RHBG: variants seen among roughly 807,000 people sequenced by gnomAD.
RHBG encodes Rh family B glycoprotein.
Under a neutral mutation model 40.1 loss-of-function variants are expected in RHBG, and 39 were observed. That is an observed-to-expected ratio of 0.97 (90% CI 0.75 to 1.27). The LOEUF (loss-of-function observed/expected upper bound fraction) is 1.27, where lower values mean the gene tolerates loss of function less well. Among genes scored for constraint, RHBG ranks in the 50% most tolerant of loss-of-function variants. RHBG has a pLI of 0.00. For missense variants in RHBG, 549 were observed against 588.1 expected, an observed-to-expected ratio of 0.93 and a Z score of 0.69; for synonymous variants, 237 against 252.5, an observed-to-expected ratio of 0.94 and a Z score of 0.58.
intron 1 of RHBG, among the ~76,000 whole-genome samples, 193 bp downstream of exon 1, chr1:156,369,629 C>T (rs1666708484): frequency 6.6e-6 from 1 of 152,182 alleles, no homozygotes; most frequent in Non-Finnish European, 1.5e-5. Flanking sequence ...CGTGCTGATA[C>T]ATATGCCTTA....
chr1:156,378,996 C>CTTTT (rs1173676129), intron 4 of RHBG, among the ~76,000 whole-genome samples: 1 of 141,564 alleles, frequency 7.1e-6, no homozygotes. Context: ...GCTTCTTCTT[C>CTTTT]TTTTTTTTTT....
chr1:156,377,670 C>T lies in RHBG; in HGVS notation c.374+183C>T, dbSNP rs565504250. ...CTTCCTCTCCCATCCTTGACCCTCA[C>T]ACTCAGCTCCACCTCCTCAGTCTTT... On this transcript the variant is annotated intron_variant, in intron 2 of 9. Transcript: ENST00000537040. The surrounding 1 kb of genome is among the most constrained non-coding windows in gnomAD (Gnocchi z 4.6). Among the ~76,000 whole-genome samples, 1 of 152,334 alleles carries T rather than the reference C, an allele frequency of 6.6e-6. No individual in the cohort carries two copies. The highest frequency in any genetic ancestry group is 2.4e-5 in the African/African-American group (1 of 41,580).
rs774146663 is a variant in RHBG, at chr1:156,382,786, G to A, written c.1151G>A (p.Arg384His). The A allele has an allele frequency of 1.4e-5, 22 of 1,614,068 alleles. No individual in the cohort carries two copies. Among genetic ancestry groups the A allele is most frequent in the Admixed American group, 3.3e-5 (2 of 60,000 alleles). Residue 384 changes from arginine to histidine, a missense_variant, in exon 8 of 10, where the codon CGC becomes CAC. Physicochemically the swap from Arg to His is conservative, Grantham distance 29 (BLOSUM62 0). Around this residue, in one of 3 missense-constraint regions of RHBG, gnomAD observed 399 missense variants for 417.0 expected, o/e 0.96. Coordinates refer to ENST00000537040, the MANE Select transcript of RHBG (RefSeq NM_020407.5). Reference sequence around the variant, plus strand: ...TTTCCACTCATAGCCGAGGGCCAGCGCAGTGCCACGTCACAGGCCATGCAC... The same window carrying A: ...TTTCCACTCATAGCCGAGGGCCAGCACAGTGCCACGTCACAGGCCATGCAC... ...SVFPLIAEGQ[R>H]SATSQAMHQL...
Position 156,382,139 on chromosome 1 carries a change from C to T in RHBG, c.1050C>T (p.Val350=). The part of the protein sequence containing the change: ...GVHNLHGMPG[V]LGALLGVLVA... ...ACAACCTCCATGGGATGCCGGGGGT[C>T]CTGGGGGCCCTCCTGGGGGTCCTTG... The change falls in exon 7 of 10, where the codon GTC becomes GTT. Residue 350 remains valine (V), a synonymous_variant. Transcript: ENST00000537040. 6.2e-7 allele frequency: 1 copy of T among 1,614,052 alleles called. No homozygotes were observed. Among genetic ancestry groups the T allele is most frequent in the South Asian group, 1.1e-5 (1 of 91,070 alleles).
Position 156,381,891 on chromosome 1 carries a change from C to A in RHBG, c.926C>A (p.Ala309Glu). The A allele has an allele frequency of 7.5e-6, 12 of 1,608,426 alleles. No individual in the cohort carries two copies. The highest frequency in any genetic ancestry group is 8.5e-6 in the Non-Finnish European group (10 of 1,178,826). Residue 309 changes from alanine to glutamate, a missense_variant, in exon 6 of 10, where the codon GCA (alanine) becomes GAA (glutamate). Ala to Glu is a moderately radical substitution (Grantham distance 107, BLOSUM62 -1). This residue lies in a region of RHBG where 399 missense variants were observed against 417.0 expected (regional missense o/e 0.96). Coordinates refer to ENST00000537040, the MANE Select transcript of RHBG (RefSeq NM_020407.5). The part of the protein sequence containing the change: ...EMMLTPFGAL[A>E]AGFLAGTVST... ...ATGCTGACACCCTTTGGGGCTCTGG[C>A]AGCTGGCTTCTTGGCTGGGACTGTC...
chr1:156,374,773 A>T (rs1667074540), intron 1 of RHBG: 1 of 276,962 alleles, frequency 3.6e-6, no homozygotes, highest in Admixed American at 5.1e-5. Flanking sequence ...TTTAGTAGAG[A>T]CAGGGTTTTT....
Position 156,384,100 on chromosome 1 carries a change from C to T in RHBG, c.1235-427C>T, listed in dbSNP as rs551208438. On this transcript the variant is annotated intron_variant, in intron 8 of 9. Transcript: ENST00000537040. ...CCATCTGCCTCAGCCTCCCAAAGTGCTGGGATTATAGGCGTGAGCCACTGC... is the reference window on the plus strand; with the variant it reads ...CCATCTGCCTCAGCCTCCCAAAGTGTTGGGATTATAGGCGTGAGCCACTGC... Among the ~76,000 whole-genome samples, 21 of 152,252 alleles carry T rather than the reference C, an allele frequency of 1.4e-4. No homozygotes were observed. In the South Asian group the frequency reaches 3.3e-3, roughly 24 times the overall value.
In RHBG at chr1:156,370,637, A is replaced by AG. The variant is rs1553190127; in HGVS notation, c.187+1201_187+1202insG. 8.2e-4 allele frequency among the ~76,000 whole-genome samples: 117 copies of AG among 143,236 alleles called. 1 individual carries two copies. The highest frequency in any genetic ancestry group is 2.9e-3 in the African/African-American group (112 of 38,768). The allele number at this position is 143,236 out of a possible 152,430, so 94.0% of individuals were successfully genotyped here. On this transcript the variant is annotated intron_variant, in intron 1 of 9. Coordinates refer to ENST00000537040, the MANE Select transcript of RHBG (RefSeq NM_020407.5). ...CTCAAAAAAAAAAAAAAAAAAAAAA[A>AG]AAAGAAAGAAAATGAAGCACCATCT...
chr1:156,381,612 G>A (rs1314533360), intron 5 of RHBG, 99 bp downstream of exon 5: 3 of 1,454,826 alleles, frequency 2.1e-6, no homozygotes, highest in African/African-American at 2.8e-5. Context: ...GAACAGATAA[G>A]GGCACAGGCA....
Position 156,381,822 on chromosome 1 carries a change from C to G in RHBG, c.857C>G (p.Ala286Gly), listed in dbSNP as rs201484566. 4.0e-5 allele frequency: 63 copies of G among 1,584,880 alleles called. No homozygotes were observed. The African/African-American group carries it at 7.7e-4, about 19-fold the overall frequency. ...TTCCCTTAGGTCCACATCCAAAATG[C>G]AGCGCTGGCTGGAGGGGTTGTGGTG... ...GRLDMVHIQN[A>G]ALAGGVVVGT... The change falls in exon 6 of 10, where the codon GCA becomes GGA. Residue 286 changes from alanine to glycine, a missense_variant. Physicochemically the swap from Ala to Gly is moderately conservative, Grantham distance 60. Coordinates refer to ENST00000537040, the MANE Select transcript of RHBG (RefSeq NM_020407.5).
rs535532948 is a variant in RHBG, at chr1:156,375,274, T to C, written c.188-2027T>C. 2.0e-4 allele frequency among the ~76,000 whole-genome samples: 30 copies of C among 152,150 alleles called. No individual in the cohort carries two copies. In the South Asian group the frequency reaches 6.0e-3, roughly 31 times the overall value. On this transcript the variant is annotated intron_variant, in intron 1 of 9. Transcript: ENST00000537040. ...TATTAGTAGAGACGGGGTTTCGCCA[T>C]ATTGGCCAGGCTGGTCTTGAACTCT...
At chr1:156,382,019 G>C in intron 6 of RHBG, 49 bp from the exon 7 acceptor site, 2 of 1,609,394 alleles carry the variant, frequency 1.2e-6, no homozygotes, top group Non-Finnish European at 8.5e-7. Context: ...AACAGGATGA[G>C]GTGGTGGGGA....
At chr1:156,373,740 G>A (rs1667002675) in intron 1 of RHBG, among the ~76,000 whole-genome samples, 1 of 152,196 alleles carries the variant, frequency 6.6e-6, no homozygotes, top group Non-Finnish European at 1.5e-5. Flanking sequence ...GTTTTGGCAT[G>A]TAATGGTCAG....
In RHBG at chr1:156,384,894, T is replaced by C. The variant is rs1380272662; in HGVS notation, c.*49T>C. 1 of 1,249,252 alleles carries C rather than the reference T, an allele frequency of 8.0e-7. No individual in the cohort carries two copies. The highest frequency in any genetic ancestry group is 1.1e-6 in the Non-Finnish European group (1 of 869,608). 77.4% of individuals were successfully genotyped at this position (1,249,252 alleles called of 1,614,324 possible). A position where few individuals can be genotyped will look rare whatever the true frequency, so the allele number is the denominator to read the frequency against. On this transcript the variant is annotated 3_prime_UTR_variant, in exon 10 of 10. Coordinates refer to ENST00000537040, the MANE Select transcript of RHBG (RefSeq NM_020407.5). ...CACGCTCCTTTTCGAAGATGCTGAC[T>C]GGCTGCTACTAGGAAGTTCTTTTTG... is the stretch of plus-strand genomic sequence containing the variant.
At position 156,382,024 on chromosome 1, in the gene RHBG, TG is replaced by T. The variant is rs533554370; in HGVS notation, c.979-40del. 5.0e-6 allele frequency: 8 copies of T among 1,609,426 alleles called. No homozygotes were observed. In the East Asian group the frequency reaches 1.6e-4, roughly 31 times the overall value. ...CCGCCTCTCCAACAGGATGAGGTGG[TG>T]GGGAGTGGGCACAGGAGACTCATGA... On this transcript the variant is annotated intron_variant, in intron 6 of 9. Coordinates refer to ENST00000537040, the MANE Select transcript of RHBG (RefSeq NM_020407.5).
intron 1 of RHBG, among the ~76,000 whole-genome samples, chr1:156,376,335 T>A (rs562669108): frequency 1.8e-4 from 28 of 151,612 alleles, no homozygotes; most frequent in Non-Finnish European, 3.8e-4. Context: ...TCTGAGGTCA[T>A]CTCTGTTAAC....
At chr1:156,383,298 C>T (rs919914872) in intron 8 of RHBG, among the ~76,000 whole-genome samples, 2 of 152,240 alleles carry the variant, frequency 1.3e-5, no homozygotes, top group African/African-American at 4.8e-5. Context: ...GTCAGGCAGT[C>T]GCTCTTCATG....
At chr1:156,381,536 G>C in intron 5 of RHBG, 23 bp downstream of exon 5, 3 of 1,584,282 alleles carry the variant, frequency 1.9e-6, no homozygotes, top group Non-Finnish European at 2.6e-6. Flanking sequence ...GGACTTCAGA[G>C]AGGCAGAGGG....
intron 1 of RHBG, among the ~76,000 whole-genome samples, chr1:156,370,687 C>A (rs1324990269): frequency 6.6e-6 from 1 of 151,296 alleles, no homozygotes; most frequent in East Asian, 1.9e-4. Context: ...GAGCAGCAGC[C>A]CCCAGACTTG....
Sources: allele counts gnomAD v4.1 joint callset (sites outside exome capture counted in the v4.1 genomes callset), GRCh38; gene constraint gnomAD v4.1.1; regional missense constraint gnomAD v4.1.1; non-coding constraint Gnocchi (gnomAD v3.1); transcripts MANE v1.5; gene names NCBI Gene and HGNC (gene_info 2026-07-23, HGNC 2026-07-21).